PCDH9: variants seen among roughly 807,000 people sequenced by gnomAD.
PCDH9 encodes the protein protocadherin-9.
Under a neutral mutation model 70.6 loss-of-function variants are expected in PCDH9, and 24 were observed. The observed-to-expected ratio is 0.34, with a 90% CI of 0.25 to 0.48. The LOEUF is 0.48. PCDH9 is among the 20% of genes least tolerant of loss of function. The probability of loss-of-function intolerance (pLI) is 0.99; values close to 1 mark genes in which losing one functional copy is unlikely to be tolerated. For synonymous variants in PCDH9, 562 were observed against 558.5 expected, an observed-to-expected ratio of 1.01 and a Z score of -0.09; for missense variants, 1,281 against 1,503.6, an observed-to-expected ratio of 0.85 and a Z score of 2.45.
Position 66,899,172 on chromosome 13 carries a change from A to G in PCDH9, c.3138+4332T>C, listed in dbSNP as rs376631852. ...CTTATACGCATTTAATGAATCCAGC[A>G]AAACCTGTGTTATGAATTTACATAA... On this transcript the variant is annotated intron_variant, in intron 3 of 4. Coordinates refer to ENST00000377865, the MANE Select transcript of PCDH9 (RefSeq NM_203487.3). 1.6e-4 allele frequency among the ~76,000 whole-genome samples: 25 copies of G among 152,204 alleles called. No individual in the cohort carries two copies. The East Asian group carries it at 3.1e-3, about 19-fold the overall frequency.
At chr13:67,224,765 C>T in intron 2 of PCDH9, 1 of 817,998 alleles carries the variant, frequency 1.2e-6, no homozygotes, top group Non-Finnish European at 1.5e-6. Flanking sequence ...TATTTGGCCA[C>T]TGCGGACACT....
chr13:66,788,951 G>A (rs2080122685), intron 3 of PCDH9, among the ~76,000 whole-genome samples: 2 of 152,122 alleles, frequency 1.3e-5, no homozygotes, highest in South Asian at 2.1e-4. Flanking sequence ...AGAAAATCTA[G>A]CACATCTAGA....
At chr13:66,857,535 A>C (rs1423194674) in intron 3 of PCDH9, among the ~76,000 whole-genome samples, 2 of 152,196 alleles carry the variant, frequency 1.3e-5, no homozygotes, top group Non-Finnish European at 2.9e-5. Context: ...GCTAAAAGCA[A>C]CAATGTCTAG....
At chr13:66,548,932 T>C (rs1961342979) in intron 4 of PCDH9, among the ~76,000 whole-genome samples, 1 of 152,104 alleles carries the variant, frequency 6.6e-6, no homozygotes, top group Non-Finnish European at 1.5e-5. Flanking sequence ...AGAAGCTTAT[T>C]TCTGATTTTT....
At chr13:66,731,963 G>A (rs1345909851) in intron 3 of PCDH9, among the ~76,000 whole-genome samples, 1 of 151,876 alleles carries the variant, frequency 6.6e-6, no homozygotes, top group Non-Finnish European at 1.5e-5. Context: ...ATCATATGTG[G>A]AAGGCTATAA....
At chr13:66,910,608 G>A (rs917090593) in intron 2 of PCDH9, among the ~76,000 whole-genome samples, 1 of 152,058 alleles carries the variant, frequency 6.6e-6, no homozygotes, top group African/African-American at 2.4e-5. Context: ...TTCAGTAAGT[G>A]GATTAAGCTT....
intron 3 of PCDH9, among the ~76,000 whole-genome samples, chr13:66,884,877 C>G (rs574504947): frequency 6.6e-6 from 1 of 152,258 alleles, no homozygotes; most frequent in Admixed American, 6.5e-5. Flanking sequence ...CTATGTCTCT[C>G]AAAAATATTT....
At chr13:67,004,564 A>AAAGAAAG (rs1555296177) in intron 2 of PCDH9, among the ~76,000 whole-genome samples, 15 of 148,200 alleles carry the variant, frequency 1.0e-4, no homozygotes, top group Non-Finnish European at 2.1e-4. Flanking sequence ...AAAAAAAAAA[A>AAAGAAAG]AAAGAAAGAA....
At chr13:67,131,701 C>G (rs1223223105) in intron 2 of PCDH9, among the ~76,000 whole-genome samples, 1 of 152,074 alleles carries the variant, frequency 6.6e-6, no homozygotes, top group African/African-American at 2.4e-5. Context: ...ATCAAAGAAA[C>G]TAAGTACATG....
At chr13:66,390,371 T>C (rs535201040) in intron 4 of PCDH9, among the ~76,000 whole-genome samples, 1 of 152,120 alleles carries the variant, frequency 6.6e-6, no homozygotes, top group South Asian at 2.1e-4. Flanking sequence ...CTCTACTAGA[T>C]CTCCAGAATA....
At chr13:66,748,018 A>G (rs2079398948) in intron 3 of PCDH9, among the ~76,000 whole-genome samples, 1 of 152,220 alleles carries the variant, frequency 6.6e-6, no homozygotes, top group Non-Finnish European at 1.5e-5. Context: ...TAAGGAAATC[A>G]TTAAAGCCAA....
At chr13:66,715,886 T>C (rs951175105) in intron 3 of PCDH9, among the ~76,000 whole-genome samples, 1 of 152,226 alleles carries the variant, frequency 6.6e-6, no homozygotes, top group Non-Finnish European at 1.5e-5. Flanking sequence ...TTTCAACATC[T>C]GCTTTCGCAG....
intron 3 of PCDH9, among the ~76,000 whole-genome samples, chr13:66,780,823 T>C (rs986652854): frequency 2.0e-5 from 3 of 152,200 alleles, no homozygotes; most frequent in African/African-American, 7.2e-5. Context: ...CCTAGAACAG[T>C]ATCTAGCACG....
At chr13:66,697,323 T>C (rs2078577290) in intron 3 of PCDH9, among the ~76,000 whole-genome samples, 1 of 152,118 alleles carries the variant, frequency 6.6e-6, no homozygotes, top group Non-Finnish European at 1.5e-5. Context: ...TTTTCTTCAT[T>C]GTCCACCTCT....
chr13:66,538,683 G>T (rs1960812574), intron 4 of PCDH9, among the ~76,000 whole-genome samples: 1 of 151,926 alleles, frequency 6.6e-6, no homozygotes, highest in Non-Finnish European at 1.5e-5. Context: ...TCAAATTATG[G>T]AGAGTGATCT....
At chr13:66,604,433 C>A (rs2138853495) in intron 4 of PCDH9, among the ~76,000 whole-genome samples, 1 of 152,110 alleles carries the variant, frequency 6.6e-6, no homozygotes, top group South Asian at 2.1e-4. Flanking sequence ...CAAATAATTA[C>A]TTTTATTCAA....
intron 4 of PCDH9, among the ~76,000 whole-genome samples, chr13:66,574,228 T>C (rs2076779382): frequency 6.6e-6 from 1 of 152,196 alleles, no homozygotes; most frequent in South Asian, 2.1e-4. Flanking sequence ...AACAACTATG[T>C]TTGTTCTCTG....
chr13:66,580,890 A>G (rs1456141236), intron 4 of PCDH9, among the ~76,000 whole-genome samples: 1 of 152,174 alleles, frequency 6.6e-6, no homozygotes, highest in African/African-American at 2.4e-5. Context: ...AGAGGAAGAT[A>G]GAAGTAACTA....
intron 2 of PCDH9, among the ~76,000 whole-genome samples, chr13:67,011,680 A>T (rs1364132585): frequency 3.9e-5 from 6 of 151,968 alleles, no homozygotes; most frequent in Admixed American, 2.6e-4. Flanking sequence ...CAAATTAAAC[A>T]TAACAGTACT....
Sources: allele counts gnomAD v4.1 joint callset (sites outside exome capture counted in the v4.1 genomes callset), GRCh38; gene constraint gnomAD v4.1.1; transcripts MANE v1.5; gene names NCBI Gene and HGNC (gene_info 2026-07-23, HGNC 2026-07-21).